Variants in TMTC2 observed in about 807,000 individuals in gnomAD.
The protein encoded by TMTC2 is protein O-mannosyl-transferase TMTC2.
TMTC2 carries 43 observed loss-of-function variants against 82.4 expected under a neutral mutation model. The ratio of observed to expected loss-of-function variants is 0.52; its 90% confidence interval spans 0.41 to 0.67. The LOEUF (loss-of-function observed/expected upper bound fraction) is 0.67, where lower values mean the gene tolerates loss of function less well. TMTC2 is among the 30% of genes least tolerant of loss of function. TMTC2 has a pLI of 0.00. For synonymous variants in TMTC2, 408 were observed against 381.9 expected (o/e 1.07, Z -0.80); for missense variants, 919 against 1,012.4 (o/e 0.91, Z 1.25).
intron 1 of TMTC2, among the ~76,000 whole-genome samples, chr12:82,717,154 C>T (rs186894933): frequency 7.9e-5 from 12 of 151,796 alleles, no homozygotes; most frequent in Non-Finnish European, 1.2e-4. Flanking sequence ...TTCTCACATT[C>T]GGAACCTGCT....
At chr12:83,026,158 C>T (rs1881165775) in intron 8 of TMTC2, among the ~76,000 whole-genome samples, 1 of 152,024 alleles carries the variant, frequency 6.6e-6, no homozygotes, top group Non-Finnish European at 1.5e-5. Context: ...CATCCAGGAG[C>T]CTATAAAGAT....
At chr12:82,752,384 G>C (rs773322307) in intron 1 of TMTC2, among the ~76,000 whole-genome samples, 6 of 152,056 alleles carry the variant, frequency 3.9e-5, no homozygotes, top group Non-Finnish European at 4.4e-5. Flanking sequence ...TACTTGGGAG[G>C]CTGAGGCAGG....
intron 4 of TMTC2, among the ~76,000 whole-genome samples, chr12:82,942,700 C>T (rs933782644): frequency 6.6e-6 from 1 of 152,092 alleles, no homozygotes. Context: ...TTAGCTAAGT[C>T]GTTCTTGTCA....
intron 2 of TMTC2, among the ~76,000 whole-genome samples, chr12:82,876,028 CGGTGGTGGT>C (rs748180026): frequency 0.048 from 3,981 of 83,416 alleles, 327 homozygotes; most frequent in African/African-American, 0.2. Flanking sequence ...GTAGTGGTGG[CGGTGGTGGT>C]GGTGGTGGTG....
intron 1 of TMTC2, among the ~76,000 whole-genome samples, chr12:82,789,325 T>C (rs983922820): frequency 1.3e-5 from 2 of 152,096 alleles, no homozygotes; most frequent in African/African-American, 4.8e-5. Context: ...GTGTGTATGC[T>C]GAATTTTAGA....
intron 8 of TMTC2, among the ~76,000 whole-genome samples, chr12:82,990,155 T>C (rs1879340003): frequency 6.6e-6 from 1 of 152,124 alleles, no homozygotes; most frequent in Admixed American, 6.5e-5. Context: ...AGAAGAGGAA[T>C]AGAAATTGAG....
intron 11 of TMTC2, among the ~76,000 whole-genome samples, chr12:83,109,593 C>T (rs1884532174): frequency 1.3e-5 from 2 of 152,284 alleles, no homozygotes; most frequent in East Asian, 1.9e-4. Context: ...CCTCTAGTAC[C>T]AACTTCCCAA....
At chr12:82,882,463 G>A (rs2137157529) in intron 2 of TMTC2, among the ~76,000 whole-genome samples, 1 of 152,174 alleles carries the variant, frequency 6.6e-6, no homozygotes, top group South Asian at 2.1e-4. Context: ...AACTCGATCT[G>A]TTACTCTGAT....
intron 1 of TMTC2, among the ~76,000 whole-genome samples, chr12:82,707,941 A>G (rs1397225937): frequency 6.6e-6 from 1 of 152,210 alleles, no homozygotes. Flanking sequence ...GTGGTCACCT[A>G]TAGGAGATAG....
intron 9 of TMTC2, among the ~76,000 whole-genome samples, chr12:83,033,708 A>G (rs1881537937): frequency 6.6e-6 from 1 of 151,844 alleles, no homozygotes; most frequent in Non-Finnish European, 1.5e-5. Flanking sequence ...CCAAGATCGC[A>G]CCACTGCACT....
rs577774354 is a variant in TMTC2 at position 83,069,589 on chromosome 12, A to G, written c.2331+7758A>G. Reference sequence around the variant, plus strand: ...TTTGAGTTTGTTGTAGATTCTGGATATTAGTCCCTGGCGAGATGTATAGAT... The same window carrying G: ...TTTGAGTTTGTTGTAGATTCTGGATGTTAGTCCCTGGCGAGATGTATAGAT... On this transcript the variant is annotated intron_variant, in intron 11 of 11. Transcript: ENST00000321196. 2.0e-5 allele frequency among the ~76,000 whole-genome samples: 3 copies of G among 152,272 alleles called. No individual in the cohort carries two copies. In the South Asian group the frequency reaches 6.2e-4, roughly 32 times the overall value.
chr12:82,952,503 A>G (rs141318949), intron 4 of TMTC2, among the ~76,000 whole-genome samples: 2,391 of 152,170 alleles, frequency 0.016, 62 homozygotes, highest in African/African-American at 0.054. Context: ...ATAACTTTAT[A>G]TATACATACA....
intron 11 of TMTC2, among the ~76,000 whole-genome samples, chr12:83,117,179 A>G (rs1884788735): frequency 1.3e-5 from 2 of 152,152 alleles, no homozygotes; most frequent in African/African-American, 2.4e-5. Flanking sequence ...TTTGTTGAAC[A>G]GGGTGTTCTT....
chr12:82,788,722 C>A (rs1044781263), intron 1 of TMTC2, among the ~76,000 whole-genome samples: 3 of 152,148 alleles, frequency 2.0e-5, no homozygotes, highest in Admixed American at 2.0e-4. Flanking sequence ...ACATCCTTAA[C>A]ATCTCCTTGC....
intron 2 of TMTC2, among the ~76,000 whole-genome samples, chr12:82,890,504 T>C (rs1873341251): frequency 6.6e-6 from 1 of 152,220 alleles, no homozygotes; most frequent in South Asian, 2.1e-4. Flanking sequence ...GAGGCAAATA[T>C]ACCTTAAAAC....
At chr12:82,948,441 A>G (rs908828983) in intron 4 of TMTC2, among the ~76,000 whole-genome samples, 5 of 152,270 alleles carry the variant, frequency 3.3e-5, no homozygotes, top group Admixed American at 3.3e-4. Flanking sequence ...ATAAACCTTC[A>G]AGTGAATTGT....
intron 4 of TMTC2, among the ~76,000 whole-genome samples, chr12:82,936,059 G>C (rs983017242): frequency 6.6e-6 from 1 of 151,896 alleles, no homozygotes; most frequent in African/African-American, 2.4e-5. Flanking sequence ...ACTGAGAAAA[G>C]TTATAACTGG....
At chr12:83,105,225 G>T (rs760374247) in intron 11 of TMTC2, among the ~76,000 whole-genome samples, 2 of 152,046 alleles carry the variant, frequency 1.3e-5, no homozygotes, top group Non-Finnish European at 2.9e-5. Flanking sequence ...TTATCTTCCT[G>T]TCCTTTTCTG....
intron 1 of TMTC2, among the ~76,000 whole-genome samples, chr12:82,728,592 G>A (rs1000371808): frequency 3.9e-5 from 6 of 152,176 alleles, no homozygotes; most frequent in African/African-American, 9.6e-5. Context: ...ATGGTGGTGA[G>A]AGGTGACAGC....
Sources: gnomAD v4.1 joint callset for allele counts (sites outside exome capture counted in the v4.1 genomes callset) on GRCh38, gnomAD v4.1.1 for gene constraint, MANE v1.5 for transcripts, NCBI Gene and HGNC (gene_info 2026-07-23, HGNC 2026-07-21) for gene names.